AATK: variants seen among roughly 807,000 people sequenced by gnomAD.
The protein encoded by AATK is lemur tail kinase 1, also known as serine/threonine-protein kinase LMTK1.
A neutral mutation model predicts 114.3 loss-of-function variants in AATK; 91 were observed. The observed-to-expected ratio is 0.80, with a 90% CI of 0.67 to 0.95. The LOEUF (loss-of-function observed/expected upper bound fraction) is 0.95. AATK is among the 40% of genes least tolerant of loss of function. AATK has a pLI of 0.00. For synonymous variants in AATK, 1,075 were observed against 916.5 expected, an observed-to-expected ratio of 1.17 and a Z score of -3.12; for missense variants, 2,176 against 1,965.2, an observed-to-expected ratio of 1.11 and a Z score of -2.03.
At chr17:81,149,640 ACCCT>A (rs2061269508) in intron 1 of AATK, among the ~76,000 whole-genome samples, 1 of 151,736 alleles carries the variant, frequency 6.6e-6, no homozygotes, top group African/African-American at 2.4e-5. Context: ...CCCCCAGCCC[ACCCT>A]GGGCTTGGCT....
At chr17:81,164,105 A>G (rs1411590873) in intron 1 of AATK, among the ~76,000 whole-genome samples, 1 of 152,104 alleles carries the variant, frequency 6.6e-6, no homozygotes, top group Non-Finnish European at 1.5e-5. Flanking sequence ...CAGCACAGAC[A>G]GCCAAGTGCT....
At chr17:81,119,886 C>A in intron 12 of AATK, 50 bp downstream of exon 12, 1 of 1,411,064 alleles carries the variant, frequency 7.1e-7, no homozygotes, top group Middle Eastern at 2.1e-4. Flanking sequence ...ACAGCACGGA[C>A]CAGGCCCTGC....
intron 12 of AATK, 23 bp from the exon 13 acceptor site, chr17:81,119,603 A>C (rs2060662636): frequency 6.5e-7 from 1 of 1,538,170 alleles, no homozygotes; most frequent in Non-Finnish European, 8.7e-7. Flanking sequence ...TCGCGGCGTC[A>C]CTCGCGCTCA....
Position 81,120,920 on chromosome 17 carries a change from C to G in AATK, c.3016G>C (p.Glu1006Gln). 2 of 1,599,204 alleles carry G rather than the reference C, an allele frequency of 1.3e-6. No individual in the cohort carries two copies. The highest frequency in any genetic ancestry group is 1.7e-6 in the Non-Finnish European group (2 of 1,173,500). The change falls in exon 11 of 14, where the codon GAG (glutamate) becomes CAG (glutamine). Residue 1006 changes from glutamate to glutamine, a missense_variant. Coordinates refer to ENST00000326724, the MANE Select transcript of AATK (RefSeq NM_001080395.3). Reference protein sequence around the residue: ...AYFSDLEAEAEATSGPEKKCG... With the variant: ...AYFSDLEAEAQATSGPEKKCG... ...TTCTTCTCTGGGCCTGAGGTGGCCT[C>G]GGCCTCAGCCTCGAGGTCTGAGAAG...
intron 10 of AATK, 116 bp downstream of exon 10, chr17:81,123,078 G>T: frequency 8.4e-7 from 1 of 1,191,640 alleles, no homozygotes; most frequent in Non-Finnish European, 1.1e-6. Flanking sequence ...TACCAGAGGG[G>T]AGGGGAGACC....
At chr17:81,131,559 C>CT (rs1245975787) in intron 2 of AATK, among the ~76,000 whole-genome samples, 1 of 152,196 alleles carries the variant, frequency 6.6e-6, no homozygotes, top group African/African-American at 2.4e-5. Context: ...CCATCCCTCC[C>CT]TGGCGGGCAG....
At chr17:81,158,456 A>G (rs1453588688) in intron 1 of AATK, among the ~76,000 whole-genome samples, 1 of 152,210 alleles carries the variant, frequency 6.6e-6, no homozygotes, top group Non-Finnish European at 1.5e-5. Context: ...TCCTGCCGCA[A>G]GTGCTCTCAC....
intron 7 of AATK, 54 bp from the exon 8 acceptor site, chr17:81,125,068 C>A (rs912415024): frequency 1.1e-6 from 1 of 938,802 alleles, no homozygotes; most frequent in Non-Finnish European, 1.6e-6. Context: ...CAGGGTGTGC[C>A]GGGTGGGGGC....
chr17:81,130,409 A>T (rs1472478626), intron 3 of AATK, among the ~76,000 whole-genome samples: 3 of 152,102 alleles, frequency 2.0e-5, no homozygotes, highest in Non-Finnish European at 4.4e-5. Context: ...CGTCCGCCCC[A>T]TGTGAGTGGT....
intron 2 of AATK, 67 bp downstream of exon 2, chr17:81,134,301 G>T: frequency 1.3e-6 from 2 of 1,582,854 alleles, no homozygotes; most frequent in Non-Finnish European, 1.7e-6. Flanking sequence ...GAAGCTCAGG[G>T]TCAAGTGGAC....
chr17:81,128,545 C>G lies in AATK; in HGVS notation c.339G>C (p.Gln113His). Residue 113 changes from glutamine (Q) to histidine (H), a missense_variant, in exon 4 of 14, where the codon CAG becomes CAC. Physicochemically the swap from Gln to His is conservative, Grantham distance 24. Around this residue, in one of 4 missense-constraint regions of AATK, gnomAD observed 178 missense variants for 175.4 expected, o/e 1.01. Transcript: ENST00000326724. ...GGCCCACGTCTGTGGACTTGAGGAG[C>G]TGCACTGTAACCAAGCAGGGGGTTC... ...PMAKQPGRSV[Q>H]LLKSTDVGRH... The G allele has an allele frequency of 1.9e-6, 3 of 1,549,090 alleles. No homozygotes were observed. In the South Asian group the frequency reaches 3.6e-5, roughly 18 times the overall value.
intron 1 of AATK, among the ~76,000 whole-genome samples, chr17:81,154,052 G>A (rs1323024479): frequency 6.6e-6 from 1 of 151,764 alleles, no homozygotes; most frequent in Non-Finnish European, 1.5e-5. Context: ...CTCCAGCCTG[G>A]GCAACAAGAG....
chr17:81,132,178 T>C (rs2060943732), intron 2 of AATK, among the ~76,000 whole-genome samples: 1 of 152,198 alleles, frequency 6.6e-6, no homozygotes, highest in Admixed American at 6.5e-5. Flanking sequence ...CCCCAATCCC[T>C]GAGCACTTGG....
intron 13 of AATK, among the ~76,000 whole-genome samples, chr17:81,118,773 G>A (rs2060612993): frequency 6.6e-6 from 1 of 152,244 alleles, no homozygotes. Context: ...TGCACCAGGG[G>A]TGAGGCTGAC....
Position 81,124,915 on chromosome 17 carries a change from C to G in AATK, c.840+15G>C, listed in dbSNP as rs756381342. 18 of 1,561,886 alleles carry G rather than the reference C, an allele frequency of 1.2e-5. No homozygotes were observed. The highest frequency in any genetic ancestry group is 1.7e-4 in the Middle Eastern group (1 of 5,984). The stretch of plus-strand genomic sequence containing the variant: ...TGCCCCTCATGCCCAGCCCAGCCCA[C>G]CCCACCCCACTCACTCTGTACTTGC... On this transcript the variant is annotated intron_variant, in intron 8 of 13. Transcript: ENST00000326724.
chr17:81,137,505 A>G (rs1203223783), intron 1 of AATK, among the ~76,000 whole-genome samples: 1 of 152,082 alleles, frequency 6.6e-6, no homozygotes, highest in Non-Finnish European at 1.5e-5. Flanking sequence ...CCGCCTCTGC[A>G]TTCCTGGAGC....
At chr17:81,155,889 C>T (rs2061355447) in intron 1 of AATK, among the ~76,000 whole-genome samples, 1 of 151,162 alleles carries the variant, frequency 6.6e-6, no homozygotes, top group Admixed American at 6.6e-5. Flanking sequence ...CTCGTGTTGC[C>T]CAAGCTGGCC....
chr17:81,120,566 A>G lies in AATK; in HGVS notation c.3370T>C (p.Leu1124=), dbSNP rs1462550978. 1.3e-6 allele frequency: 2 copies of G among 1,518,742 alleles called. No homozygotes were observed. The highest frequency in any genetic ancestry group is 2.4e-5 in the East Asian group (1 of 41,506). 94.1% of individuals were successfully genotyped at this position (1,518,742 alleles called of 1,614,324 possible). ...SSEFQGPPGL[L]SGPAPQKRMG... is the part of the protein sequence containing the mutation. ...CGCTTTTGTGGGGCCGGCCCTGACA[A>G]CAGTCCTGGGGGCCCCTGGAACTCA... Residue 1124 remains leucine (L), a synonymous_variant, in exon 11 of 14, where the codon TTG becomes CTG. Transcript: ENST00000326724.
chr17:81,147,360 C>CAAA (rs59460030), intron 1 of AATK, among the ~76,000 whole-genome samples: 1 of 54,912 alleles, frequency 1.8e-5, no homozygotes, highest in African/African-American at 6.3e-5. Context: ...GACTCCATCT[C>CAAA]AAAAAAAAAA....
Sources: allele counts gnomAD v4.1 joint callset (sites outside exome capture counted in the v4.1 genomes callset), GRCh38; gene constraint gnomAD v4.1.1; regional missense constraint gnomAD v4.1.1; transcripts MANE v1.5; gene names NCBI Gene and HGNC (gene_info 2026-07-23, HGNC 2026-07-21).